Variants in CCDC171 observed in about 807,000 individuals in gnomAD.
CCDC171 encodes coiled-coil domain containing 171.
In CCDC171, 177 loss-of-function variants were observed where a neutral mutation model predicts 168.2. That is an observed-to-expected ratio of 1.05 (90% CI 0.93 to 1.19). CCDC171 has a LOEUF of 1.19. CCDC171 is among the 50% of genes most tolerant of loss of function. The pLI is 0.00. For missense variants in CCDC171, 1,991 were observed against 1,539.0 expected (o/e 1.29, Z -4.91); for synonymous variants, 687 against 540.8 (o/e 1.27, Z -3.75).
intron 24 of CCDC171, among the ~76,000 whole-genome samples, chr9:15,905,551 A>G (rs993283808): frequency 1.3e-5 from 2 of 152,220 alleles, no homozygotes; most frequent in African/African-American, 2.4e-5. Context: ...ATAGCATTAA[A>G]TGCCCACAAG....
At chr9:15,664,819 C>G (rs1182204804) in intron 8 of CCDC171, among the ~76,000 whole-genome samples, 1 of 150,960 alleles carries the variant, frequency 6.6e-6, no homozygotes, top group East Asian at 2.0e-4. Flanking sequence ...CTGCCTCAGC[C>G]TCCCTAGTGG....
chr9:15,689,187 C>T (rs114482187), intron 10 of CCDC171, among the ~76,000 whole-genome samples: 1,810 of 152,192 alleles, frequency 0.012, 26 homozygotes, highest in African/African-American at 0.042. Context: ...CTGAAAACTG[C>T]AATTTATCAT....
chr9:15,917,045 A>G (rs1169626180), intron 24 of CCDC171, among the ~76,000 whole-genome samples: 1 of 151,978 alleles, frequency 6.6e-6, no homozygotes, highest in Non-Finnish European at 1.5e-5. Flanking sequence ...AGGGAACAGG[A>G]TATGTCGTAG....
intron 4 of CCDC171, among the ~76,000 whole-genome samples, chr9:15,587,952 T>G (rs913744794): frequency 6.6e-6 from 1 of 152,088 alleles, no homozygotes. Context: ...ATTAAAAATA[T>G]GAGGCCAGGC....
At chr9:15,915,238 T>C (rs565417171) in intron 24 of CCDC171, among the ~76,000 whole-genome samples, 2 of 152,342 alleles carry the variant, frequency 1.3e-5, no homozygotes, top group South Asian at 4.1e-4. Context: ...TTTAACGATA[T>C]TAATCCTTCC....
intron 6 of CCDC171, among the ~76,000 whole-genome samples, chr9:16,025,767 C>A (rs1395120433): frequency 1.3e-5 from 2 of 152,080 alleles, no homozygotes; most frequent in Non-Finnish European, 2.9e-5. Flanking sequence ...GAAAGCAGAT[C>A]AGTGGTTGCT....
intron 3 of CCDC171, among the ~76,000 whole-genome samples, chr9:15,573,379 A>G (rs2040387492): frequency 6.6e-6 from 1 of 152,066 alleles, no homozygotes; most frequent in South Asian, 2.1e-4. Flanking sequence ...GGTTCAAGTG[A>G]TTGGAGAATC....
chr9:16,012,188 G>T (rs1358882360), intron 3 of CCDC171, among the ~76,000 whole-genome samples: 1 of 152,150 alleles, frequency 6.6e-6, no homozygotes, highest in Non-Finnish European at 1.5e-5. Context: ...TGTGTCTCAT[G>T]TGTGGCTCCT....
At chr9:15,626,893 A>G (rs1295058660) in intron 7 of CCDC171, among the ~76,000 whole-genome samples, 1 of 152,188 alleles carries the variant, frequency 6.6e-6, no homozygotes, top group African/African-American at 2.4e-5. Context: ...AAGGAATGGT[A>G]CCAGCTCCTC....
chr9:15,913,326 A>G (rs996698890), intron 24 of CCDC171, among the ~76,000 whole-genome samples: 1 of 152,152 alleles, frequency 6.6e-6, no homozygotes, highest in Non-Finnish European at 1.5e-5. Flanking sequence ...AGGGGTATTT[A>G]TAGTATTCTC....
intron 14 of CCDC171, among the ~76,000 whole-genome samples, chr9:15,725,572 C>A (rs568303801): frequency 6.6e-6 from 1 of 152,168 alleles, no homozygotes; most frequent in Non-Finnish European, 1.5e-5. Context: ...GCCCCAGCCT[C>A]CTGAGTAGCT....
chr9:16,057,540 G>T (rs1833859798), intron 1 of CCDC171, among the ~76,000 whole-genome samples: 1 of 152,172 alleles, frequency 6.6e-6, no homozygotes, highest in Non-Finnish European at 1.5e-5. Context: ...AGGGCACTGT[G>T]TGTCTATTCA....
At chr9:15,688,136 A>AAG (rs1344365992) in intron 10 of CCDC171, among the ~76,000 whole-genome samples, 2 of 146,092 alleles carry the variant, frequency 1.4e-5, no homozygotes, top group Non-Finnish European at 3.0e-5. Flanking sequence ...AAAAAAAAAA[A>AAG]AAAGAAAGAA....
chr9:15,988,460 G>A (rs1053170261), intron 3 of CCDC171, among the ~76,000 whole-genome samples: 7 of 152,134 alleles, frequency 4.6e-5, no homozygotes, highest in Non-Finnish European at 7.4e-5. Flanking sequence ...CAAGATGGCC[G>A]AATAGGAACA....
intron 24 of CCDC171, among the ~76,000 whole-genome samples, chr9:15,902,749 G>A (rs1589056201): frequency 6.6e-6 from 1 of 152,214 alleles, no homozygotes; most frequent in African/African-American, 2.4e-5. Flanking sequence ...CCTCACCTGG[G>A]AAGCACAAGG....
At chr9:16,011,957 C>T (rs892422038) in intron 3 of CCDC171, among the ~76,000 whole-genome samples, 4 of 152,134 alleles carry the variant, frequency 2.6e-5, no homozygotes, top group Non-Finnish European at 5.9e-5. Flanking sequence ...AGAGTCTTGT[C>T]CCCAGTGGGC....
At chr9:15,792,624 C>G (rs1056839843) in intron 21 of CCDC171, among the ~76,000 whole-genome samples, 3 of 152,176 alleles carry the variant, frequency 2.0e-5, no homozygotes, top group Non-Finnish European at 2.9e-5. Context: ...CAGCGGATCT[C>G]TCGGCAGAAA....
chr9:15,689,540 G>A (rs867756356), intron 10 of CCDC171, among the ~76,000 whole-genome samples: 2 of 152,088 alleles, frequency 1.3e-5, no homozygotes, highest in East Asian at 1.9e-4. Context: ...GTGAAACCCC[G>A]TCTCTACTAA....
At chr9:15,608,645 T>G (rs925339166) in intron 6 of CCDC171, among the ~76,000 whole-genome samples, 1 of 151,980 alleles carries the variant, frequency 6.6e-6, no homozygotes, top group African/African-American at 2.4e-5. Context: ...TTTGGGTATA[T>G]TTTTATTGAT....
Sources: allele counts gnomAD v4.1 joint callset (sites outside exome capture counted in the v4.1 genomes callset), GRCh38; gene constraint gnomAD v4.1.1; transcripts MANE v1.5; gene names NCBI Gene and HGNC (gene_info 2026-07-23, HGNC 2026-07-21).